SEMA4D: variants seen among roughly 807,000 people sequenced by gnomAD.
SEMA4D encodes the protein semaphorin-4D.
In SEMA4D, 22 loss-of-function variants were observed where a neutral mutation model predicts 74.8. The observed-to-expected ratio is 0.29, with a 90% CI of 0.21 to 0.42. The LOEUF is 0.42. Ranked by LOEUF, SEMA4D falls within the 10% of genes least tolerant of loss-of-function variation. The probability of loss-of-function intolerance (pLI) is 1.00; values close to 1 mark genes in which losing one functional copy is unlikely to be tolerated. For missense variants in SEMA4D, 937 were observed against 1,118.4 expected (o/e 0.84, Z 2.31); for synonymous variants, 445 against 463.7 (o/e 0.96, Z 0.52).
At chr9:89,477,414 C>T (rs1427739391) in intron 1 of SEMA4D, among the ~76,000 whole-genome samples, 2 of 152,168 alleles carry the variant, frequency 1.3e-5, no homozygotes, top group African/African-American at 4.8e-5. Context: ...CTAATCAATG[C>T]CTTGACAAGA....
intron 2 of SEMA4D, among the ~76,000 whole-genome samples, chr9:89,414,490 C>T (rs1473225391): frequency 6.6e-6 from 1 of 152,186 alleles, no homozygotes; most frequent in Non-Finnish European, 1.5e-5. Context: ...CAGCCCTCAC[C>T]AACCATGCCC....
intron 2 of SEMA4D, among the ~76,000 whole-genome samples, chr9:89,407,660 A>G (rs562623696): frequency 2.6e-5 from 4 of 152,214 alleles, no homozygotes; most frequent in South Asian, 4.2e-4. Flanking sequence ...CATCACTCAG[A>G]ATAAGGCCCA....
chr9:89,426,435 CCTCA>C (rs2134418881), intron 2 of SEMA4D, among the ~76,000 whole-genome samples: 1 of 152,300 alleles, frequency 6.6e-6, no homozygotes, highest in South Asian at 2.1e-4. Context: ...GGAGGCTCTC[CCTCA>C]CTATCCGGGC....
At chr9:89,475,726 G>A (rs1861574361) in intron 1 of SEMA4D, among the ~76,000 whole-genome samples, 1 of 152,200 alleles carries the variant, frequency 6.6e-6, no homozygotes, top group South Asian at 2.1e-4. Context: ...TTCACAGGAT[G>A]GCACACAGGT....
At chr9:89,433,776 A>G (rs1252237945) in intron 2 of SEMA4D, among the ~76,000 whole-genome samples, 1 of 152,152 alleles carries the variant, frequency 6.6e-6, no homozygotes, top group Non-Finnish European at 1.5e-5. Flanking sequence ...TACACACAAG[A>G]GCATGGCCCT....
At chr9:89,447,820 C>CTTGCTCCTATCTGTCTCAGGGCCT (rs1853338370) in intron 2 of SEMA4D, among the ~76,000 whole-genome samples, 1 of 151,788 alleles carries the variant, frequency 6.6e-6, no homozygotes. Context: ...ACACCCAAGA[C>CTTGCTCCTATCTGTCTCAGGGCCT]TTGCTCCTAT....
Position 89,452,036 on chromosome 9 carries a change from T to C in SEMA4D, c.-244+3852A>G, listed in dbSNP as rs1854643590. ...GCAGTACCACCGACACAGCCACTGATAGGAGGAGGTGCTATGGATCTGAGT... is the reference window on the plus strand; with the variant it reads ...GCAGTACCACCGACACAGCCACTGACAGGAGGAGGTGCTATGGATCTGAGT... On this transcript the variant is annotated intron_variant, in intron 2 of 15. Transcript: ENST00000422704. Among the ~76,000 whole-genome samples the C allele has an allele frequency of 3.3e-5, 5 of 152,232 alleles. No homozygotes were observed. In the South Asian group the frequency reaches 8.3e-4, roughly 25 times the overall value.
chr9:89,375,875 G>A (rs1221036907), downstream of SEMA4D, among the ~76,000 whole-genome samples: 1 of 152,188 alleles, frequency 6.6e-6, no homozygotes, highest in Non-Finnish European at 1.5e-5. Context: ...TAATGATGAT[G>A]ATTTTTGAGA....
intron 1 of SEMA4D, among the ~76,000 whole-genome samples, chr9:89,459,845 G>A (rs907447116): frequency 6.6e-6 from 1 of 152,220 alleles, no homozygotes; most frequent in African/African-American, 2.4e-5. Flanking sequence ...ACACGAGGGA[G>A]CCCAGGCCAG....
chr9:89,452,828 T>C (rs28470678), intron 2 of SEMA4D, among the ~76,000 whole-genome samples: 4,812 of 152,336 alleles, frequency 0.032, 135 homozygotes, highest in Middle Eastern at 0.078. Context: ...GCACTGTCTC[T>C]AGACTGCATG....
chr9:89,390,790 C>T (rs1454546786), intron 9 of SEMA4D, among the ~76,000 whole-genome samples: 1 of 152,150 alleles, frequency 6.6e-6, no homozygotes, highest in Non-Finnish European at 1.5e-5. Flanking sequence ...AGGCCATTCT[C>T]TTGTGCTGAG....
At position 89,381,246 on chromosome 9, in the gene SEMA4D, C is replaced by T. The variant is rs776762259; in HGVS notation, c.1547G>A (p.Arg516Gln). Reference protein sequence around the residue: ...HGTCEDCVLARDPYCAWSPPT... With the variant: ...HGTCEDCVLAQDPYCAWSPPT... ...CGGGCTCCAGGCGCAGTAGGGGTCC[C>T]GCGCCAGCACACAGTCCTCGCAGGT... The change falls in exon 14 of 16, where the codon CGG becomes CAG. Residue 516 changes from arginine (R) to glutamine (Q), a missense_variant. Arg to Gln is a conservative substitution (Grantham distance 43). Transcript: ENST00000422704. The surrounding 1 kb of genome is among the most constrained non-coding windows in gnomAD (Gnocchi z 4.6). The T allele has an allele frequency of 1.6e-5, 25 of 1,604,060 alleles. No individual in the cohort carries two copies. The highest frequency in any genetic ancestry group is 3.4e-5 in the Admixed American group (2 of 59,556).
chr9:89,421,825 AC>A (rs1182516631), intron 2 of SEMA4D, among the ~76,000 whole-genome samples: 1 of 152,212 alleles, frequency 6.6e-6, no homozygotes, highest in South Asian at 2.1e-4. Context: ...GTGGGTGTGC[AC>A]ACAGGCTCAT....
Position 89,378,660 on chromosome 9 carries a change from G to A in SEMA4D, c.*44C>T, listed in dbSNP as rs1379912233. On this transcript the variant is annotated 3_prime_UTR_variant, in exon 16 of 16. Coordinates refer to ENST00000422704, the MANE Select transcript of SEMA4D (RefSeq NM_001371194.2). ...GAGAAACACAAAACTCTCCACGCCT[G>A]GACACGTCGCAGCCGAGGCACCAGC... 2 of 1,480,470 alleles carry A rather than the reference G, an allele frequency of 1.4e-6. No homozygotes were observed. The highest frequency in any genetic ancestry group is 2.3e-5 in the East Asian group (1 of 44,142). The allele number at this position is 1,480,470 out of a possible 1,614,324, so 91.7% of individuals were successfully genotyped here.
intron 2 of SEMA4D, among the ~76,000 whole-genome samples, chr9:89,432,509 A>G (rs2134688751): frequency 6.6e-6 from 1 of 152,314 alleles, no homozygotes; most frequent in East Asian, 1.9e-4. Flanking sequence ...TCCTCCTCTG[A>G]GTGCCCTGTC....
chr9:89,450,726 C>T lies in SEMA4D; in HGVS notation c.-244+5162G>A. The T allele has an allele frequency of 2.4e-6, 3 of 1,261,852 alleles. No individual in the cohort carries two copies. In the South Asian group the frequency reaches 4.0e-5, roughly 17 times the overall value. 78.2% of individuals were successfully genotyped at this position (1,261,852 alleles called of 1,614,324 possible). A position where few individuals can be genotyped will look rare whatever the true frequency, so the allele number is the denominator to read the frequency against. ...GCAGAGAATGCCACCAGTGGGGAAA[C>T]ATTAGAAGAAAATGAAGCTGGGGAC... On this transcript the variant is annotated intron_variant, in intron 2 of 15. Coordinates refer to ENST00000422704, the MANE Select transcript of SEMA4D (RefSeq NM_001371194.2).
At chr9:89,444,183 G>A (rs1829950324) in intron 2 of SEMA4D, among the ~76,000 whole-genome samples, 1 of 152,158 alleles carries the variant, frequency 6.6e-6, no homozygotes. Context: ...TCCACCTGGT[G>A]GTCTCTGTTT....
chr9:89,486,328 G>A (rs987309254), intron 1 of SEMA4D, among the ~76,000 whole-genome samples: 3 of 152,158 alleles, frequency 2.0e-5, no homozygotes, highest in Non-Finnish European at 4.4e-5. Context: ...CTGGGGAAAG[G>A]AAACTGACTA....
chr9:89,398,257 T>C (rs775355898), intron 5 of SEMA4D, among the ~76,000 whole-genome samples: 1 of 152,116 alleles, frequency 6.6e-6, no homozygotes, highest in Non-Finnish European at 1.5e-5. Flanking sequence ...ACTCAGTTGA[T>C]AGAGAAGAGA....
Sources: gnomAD v4.1 joint callset for allele counts (sites outside exome capture counted in the v4.1 genomes callset) on GRCh38, gnomAD v4.1.1 for gene constraint, Gnocchi (gnomAD v3.1) non-coding constraint, MANE v1.5 for transcripts, NCBI Gene and HGNC (gene_info 2026-07-23, HGNC 2026-07-21) for gene names.